STK3: variants seen among roughly 807,000 people sequenced by gnomAD.
The protein encoded by STK3 is serine/threonine-protein kinase 3.
A neutral mutation model predicts 58.0 loss-of-function variants in STK3; 41 were observed. The observed-to-expected ratio is 0.71, with a 90% confidence interval of 0.55 to 0.92. The LOEUF is 0.92. STK3 is among the 40% of genes least tolerant of loss of function. The pLI, the probability that STK3 is intolerant of heterozygous loss-of-function variation, is 0.00. For missense variants in STK3, 479 were observed against 602.7 expected, an observed-to-expected ratio of 0.79 and a Z score of 2.15; for synonymous variants, 170 against 191.0, an observed-to-expected ratio of 0.89 and a Z score of 0.91.
At chr8:98,389,273 A>G (rs1817823428), upstream of STK3, among the ~76,000 whole-genome samples, 2 of 151,974 alleles carry the variant, frequency 1.3e-5, no homozygotes, top group African/African-American at 4.8e-5. Flanking sequence ...TTCATAGCCC[A>G]TATTGTCTGT....
chr8:98,425,686 C>T (rs1198945764), intron 3 of STK3, among the ~76,000 whole-genome samples: 2 of 152,184 alleles, frequency 1.3e-5, no homozygotes, highest in Non-Finnish European at 2.9e-5. Flanking sequence ...AGCCCCCATT[C>T]GAAGCCAGAT....
At chr8:98,900,535 A>G (rs1838616015) in intron 1 of STK3, among the ~76,000 whole-genome samples, 2 of 152,224 alleles carry the variant, frequency 1.3e-5, no homozygotes, top group Non-Finnish European at 2.9e-5. Context: ...CAAAAATTGT[A>G]TATATTTACA....
chr8:98,655,380 C>T (rs1310547620), intron 6 of STK3, among the ~76,000 whole-genome samples: 1 of 152,142 alleles, frequency 6.6e-6, no homozygotes, highest in Non-Finnish European at 1.5e-5. Flanking sequence ...ACCAGAAAAA[C>T]CCTAGAAGAA....
chr8:98,437,153 G>A (rs1014691922), exon 2 of STK3: 2 of 152,270 alleles, frequency 1.3e-5, no homozygotes, highest in Admixed American at 1.3e-4. Context: ...AACCGCAGAT[G>A]CCAAGGGCCA....
intron 6 of STK3, among the ~76,000 whole-genome samples, chr8:98,704,678 C>T (rs1466706242): frequency 2.0e-5 from 3 of 151,834 alleles, no homozygotes; most frequent in Non-Finnish European, 4.4e-5. Context: ...ATAATGTATT[C>T]ATTCAAACTC....
intron 3 of STK3, among the ~76,000 whole-genome samples, chr8:98,870,207 G>A (rs1368324472): frequency 1.3e-5 from 2 of 152,158 alleles, no homozygotes; most frequent in African/African-American, 4.8e-5. Context: ...GTATTCCATG[G>A]TGTATGTGCC....
At chr8:98,877,705 A>G (rs1408054749) in intron 3 of STK3, among the ~76,000 whole-genome samples, 1 of 151,632 alleles carries the variant, frequency 6.6e-6, no homozygotes, top group Non-Finnish European at 1.5e-5. Flanking sequence ...CTGGTCTCGA[A>G]CTCCCGACCT....
upstream of STK3, among the ~76,000 whole-genome samples, chr8:98,390,688 T>G (rs1032419300): frequency 2.6e-5 from 4 of 152,170 alleles, no homozygotes; most frequent in Non-Finnish European, 5.9e-5. Flanking sequence ...AATGTCAGAC[T>G]TTTTGGTGCT....
chr8:98,448,138 A>G (rs948750572), intron 1 of STK3, among the ~76,000 whole-genome samples: 4 of 152,110 alleles, frequency 2.6e-5, no homozygotes, highest in Non-Finnish European at 5.9e-5. Context: ...AGCTTTGCTG[A>G]AACTTTTAAA....
At chr8:98,660,824 T>C (rs978317510) in intron 6 of STK3, among the ~76,000 whole-genome samples, 1 of 152,060 alleles carries the variant, frequency 6.6e-6, no homozygotes, top group African/African-American at 2.4e-5. Context: ...TCTCTTCACT[T>C]TCCCATCATC....
intron 6 of STK3, among the ~76,000 whole-genome samples, chr8:98,656,130 A>T (rs910462668): frequency 2.0e-5 from 3 of 152,228 alleles, no homozygotes; most frequent in East Asian, 3.8e-4. Flanking sequence ...TGTGGCACAT[A>T]TACACCATGG....
At chr8:98,559,445 G>A (rs1811843981) in intron 8 of STK3, among the ~76,000 whole-genome samples, 2 of 152,096 alleles carry the variant, frequency 1.3e-5, no homozygotes, top group African/African-American at 4.8e-5. Flanking sequence ...AAGCCTGGAG[G>A]AGCCCCATGA....
rs1840435070 is a variant in STK3, at chr8:98,941,623, C to T, written c.-79+755G>A. 1.3e-5 allele frequency among the ~76,000 whole-genome samples: 2 copies of T among 152,286 alleles called. 1 individual carries two copies. The highest frequency in any genetic ancestry group is 4.1e-4 in the South Asian group (2 of 4,838). On this transcript the variant is annotated intron_variant, in intron 1 of 1. Transcript: ENST00000519420. ...GAGTCAACTCCAGGGAAGTCTGTGT[C>T]TGACACCTGCTCGCTGCTTAGCTGG...
At chr8:98,493,331 ATC>A (rs1822866484) in intron 10 of STK3, among the ~76,000 whole-genome samples, 1 of 151,918 alleles carries the variant, frequency 6.6e-6, no homozygotes, top group African/African-American at 2.4e-5. Context: ...TAACTATTAT[ATC>A]TCTTCTTTTC....
Position 98,924,490 on chromosome 8 carries a change from G to A in STK3, c.-79+17888C>T, listed in dbSNP as rs1018668351. 2.0e-5 allele frequency among the ~76,000 whole-genome samples: 3 copies of A among 152,166 alleles called. No homozygotes were observed. The South Asian group carries it at 6.2e-4, about 32-fold the overall frequency. ...CTTTCCCTCTTTCAAAGGCCCAGAT[G>A]GCTCCTGAAACCACTATGCTCATCT... On this transcript the variant is annotated intron_variant, in intron 1 of 1. Coordinates refer to the STK3 transcript ENST00000519420.
At chr8:98,380,928 T>A (rs974524459) in intron 1 of STK3, among the ~76,000 whole-genome samples, 1 of 151,460 alleles carries the variant, frequency 6.6e-6, no homozygotes, top group African/African-American at 2.4e-5. Context: ...GGTTGTTGTG[T>A]TTATTTTATT....
At chr8:98,659,176 T>C (rs1190819560) in intron 6 of STK3, among the ~76,000 whole-genome samples, 1 of 152,080 alleles carries the variant, frequency 6.6e-6, no homozygotes, top group Non-Finnish European at 1.5e-5. Flanking sequence ...CATGACTGTA[T>C]TAAAAATTCT....
chr8:98,465,373 T>C (rs1455604070), intron 10 of STK3, among the ~76,000 whole-genome samples: 1 of 152,204 alleles, frequency 6.6e-6, no homozygotes, highest in Non-Finnish European at 1.5e-5. Context: ...CCAATGATCA[T>C]GTGAAACAGT....
At chr8:98,523,706 GT>G (rs1165987198) in intron 10 of STK3, among the ~76,000 whole-genome samples, 179 of 147,924 alleles carry the variant, frequency 1.2e-3, no homozygotes, top group Non-Finnish European at 2.3e-3. Flanking sequence ...GACTGTTTGG[GT>G]TTTTTTTTTG....
Sources: gnomAD v4.1 joint callset for allele counts (sites outside exome capture counted in the v4.1 genomes callset) on GRCh38, gnomAD v4.1.1 for gene constraint, MANE v1.5 for transcripts, NCBI Gene and HGNC (gene_info 2026-07-23, HGNC 2026-07-21) for gene names.